Variants in CCDC25 observed in about 807,000 individuals in gnomAD.
CCDC25 encodes coiled-coil domain-containing protein 25.
Under a neutral mutation model 35.3 loss-of-function variants are expected in CCDC25, and 16 were observed. The ratio of observed to expected loss-of-function variants is 0.45; its 90% CI spans 0.31 to 0.69. The LOEUF is 0.69. Ranked by LOEUF, CCDC25 falls within the 30% of genes least tolerant of loss-of-function variation. CCDC25 has a pLI of 0.06. For missense variants in CCDC25, 179 were observed against 250.7 expected (o/e 0.71, Z 1.93); for synonymous variants, 79 against 80.3 (o/e 0.98, Z 0.09).
intron 1 of CCDC25, among the ~76,000 whole-genome samples, chr8:27,768,459 G>A (rs1370586895): frequency 2.0e-5 from 3 of 151,598 alleles, no homozygotes; most frequent in Non-Finnish European, 2.9e-5. Flanking sequence ...CAGCTACTAA[G>A]GAGGCTGAGG....
intron 1 of CCDC25, among the ~76,000 whole-genome samples, chr8:27,771,421 TGTATCAGTTCG>T (rs1215414436): frequency 6.6e-6 from 1 of 152,200 alleles, no homozygotes; most frequent in Non-Finnish European, 1.5e-5. Context: ...ATAAAGTTAA[TGTATCAGTTCG>T]GTGGAGTAAG....
At chr8:27,745,736 C>T (rs961433134) in intron 7 of CCDC25, among the ~76,000 whole-genome samples, 1 of 152,326 alleles carries the variant, frequency 6.6e-6, no homozygotes, top group East Asian at 1.9e-4. Context: ...GTTCCATTCC[C>T]GGCACTGCAG....
chr8:27,746,102 G>C (rs1803593393), intron 7 of CCDC25, among the ~76,000 whole-genome samples: 1 of 152,136 alleles, frequency 6.6e-6, no homozygotes, highest in Non-Finnish European at 1.5e-5. Flanking sequence ...CTTAATTTTA[G>C]TAGCATGCAG....
chr8:27,744,407 T>C (rs1233293811), intron 7 of CCDC25, among the ~76,000 whole-genome samples: 1 of 152,126 alleles, frequency 6.6e-6, no homozygotes, highest in African/African-American at 2.4e-5. Flanking sequence ...ACCTCACAGG[T>C]AACACGAAGA....
chr8:27,767,912 G>C (rs1168003313), intron 1 of CCDC25, among the ~76,000 whole-genome samples: 1 of 152,148 alleles, frequency 6.6e-6, no homozygotes, highest in Admixed American at 6.5e-5. Context: ...GTAGTAAAAT[G>C]TCAGAATTTG....
rs548310883 is a variant in CCDC25 at position 27,749,668 on chromosome 8, C to CA, written c.245-1071dup. The stretch of plus-strand genomic sequence containing the variant: ...TAAATACAGCACATGGCCCTGGATC[C>CA]AAAAAAAAAAGCTATAAAGAAACAG... On this transcript the variant is annotated intron_variant, in intron 5 of 8. Coordinates refer to ENST00000356537, the MANE Select transcript of CCDC25 (RefSeq NM_018246.3). Among the ~76,000 whole-genome samples, 490 of 142,008 alleles carry CA rather than the reference C, an allele frequency of 3.5e-3. 7 individuals are homozygous for CA. Among genetic ancestry groups the CA allele is most frequent in the African/African-American group, 0.012 (451 of 38,582 alleles). The allele number at this position is 142,008 out of a possible 152,430, so 93.2% of individuals were successfully genotyped here.
intron 2 of CCDC25, among the ~76,000 whole-genome samples, chr8:27,763,181 G>T (rs1025405319): frequency 4.6e-5 from 7 of 152,034 alleles, no homozygotes; most frequent in African/African-American, 9.7e-5. Flanking sequence ...TTGGCCCTTG[G>T]TTTGTTTCTA....
At position 27,747,114 on chromosome 8, in the gene CCDC25, G is replaced by A. The variant is rs577357877; in HGVS notation, c.551+963C>T. Among the ~76,000 whole-genome samples the A allele has an allele frequency of 7.2e-5, 11 of 152,298 alleles. No homozygotes were observed. The South Asian group carries it at 1.0e-3, about 14-fold the overall frequency. ...TAATTAGAACAACTAGGGGCTCTGC[G>A]GGTACAGCACTGTATGGCAGAACAT... On this transcript the variant is annotated intron_variant, in intron 7 of 8. Transcript: ENST00000356537.
At chr8:27,765,709 T>C (rs974806871) in intron 1 of CCDC25, among the ~76,000 whole-genome samples, 1 of 152,182 alleles carries the variant, frequency 6.6e-6, no homozygotes, top group Non-Finnish European at 1.5e-5. Flanking sequence ...GCATAATTGT[T>C]TTTAGCCAAT....
intron 7 of CCDC25, among the ~76,000 whole-genome samples, chr8:27,742,596 A>G (rs1803475344): frequency 6.6e-6 from 1 of 152,050 alleles, no homozygotes; most frequent in Non-Finnish European, 1.5e-5. Context: ...TGGGCACGGT[A>G]GCTCACACCT....
At chr8:27,748,427 G>C in intron 6 of CCDC25, 68 bp downstream of exon 6, 2 of 1,365,082 alleles carry the variant, frequency 1.5e-6, no homozygotes, top group Non-Finnish European at 2.1e-6. Flanking sequence ...AATGGTGTCA[G>C]ACAGAAAAGA....
chr8:27,742,872 CA>C (rs1249695455), intron 7 of CCDC25, among the ~76,000 whole-genome samples: 1 of 152,034 alleles, frequency 6.6e-6, no homozygotes, highest in Non-Finnish European at 1.5e-5. Flanking sequence ...GTCTCAAAAA[CA>C]AAACAAAACA....
At chr8:27,747,495 G>T (rs1803645371) in intron 7 of CCDC25, among the ~76,000 whole-genome samples, 1 of 152,144 alleles carries the variant, frequency 6.6e-6, no homozygotes. Flanking sequence ...CTACATTTGT[G>T]GCAATTTGTT....
At chr8:27,738,788 G>A (rs1185941633) in intron 8 of CCDC25, among the ~76,000 whole-genome samples, 1 of 152,106 alleles carries the variant, frequency 6.6e-6, no homozygotes. Flanking sequence ...CACAACAATG[G>A]CATCTGAGTT....
intron 7 of CCDC25, among the ~76,000 whole-genome samples, chr8:27,743,611 G>T (rs1044246439): frequency 6.6e-6 from 1 of 152,186 alleles, no homozygotes; most frequent in African/African-American, 2.4e-5. Flanking sequence ...ACCATATCAG[G>T]GGACAAGTGT....
intron 2 of CCDC25, among the ~76,000 whole-genome samples, chr8:27,762,860 A>T (rs1397718832): frequency 6.6e-6 from 1 of 152,172 alleles, no homozygotes; most frequent in Non-Finnish European, 1.5e-5. Context: ...AATTAACTTG[A>T]TTATAAAATT....
At position 27,748,507 on chromosome 8, in the gene CCDC25, G is replaced by A; in HGVS notation, c.336C>T (p.His112=). The stretch of plus-strand genomic sequence containing the variant: ...ACAAAACACTTACATCCTTCTGCCT[G>A]TGAAAGCCTATCTGCCCCACATCCA... ...ADMDVGQIGF[H]RQKDVKIVTV... is the part of the protein sequence containing the mutation. Residue 112 remains histidine (H), a synonymous_variant, in exon 6 of 9, where the codon CAC becomes CAT. Transcript: ENST00000356537. The A allele has an allele frequency of 6.2e-7, 1 of 1,611,988 alleles. No homozygotes were observed. Among genetic ancestry groups the A allele is most frequent in the Non-Finnish European group, 8.5e-7 (1 of 1,179,422 alleles).
chr8:27,753,178 A>C (rs1419053562), intron 4 of CCDC25: 1 of 152,242 alleles, frequency 6.6e-6, no homozygotes, highest in Non-Finnish European at 1.5e-5. Flanking sequence ...TGAATAAGTG[A>C]GGTGATGCCC....
At chr8:27,738,261 GAAACAAAACA>G (rs59689829) in intron 8 of CCDC25, among the ~76,000 whole-genome samples, 9 of 151,252 alleles carry the variant, frequency 6.0e-5, no homozygotes, top group Non-Finnish European at 1.3e-4. Context: ...ATAACTTATG[GAAACAAAACA>G]AAACAAAACA....
Sources: gnomAD v4.1 joint callset for allele counts (sites outside exome capture counted in the v4.1 genomes callset) on GRCh38, gnomAD v4.1.1 for gene constraint, MANE v1.5 for transcripts, NCBI Gene and HGNC (gene_info 2026-07-23, HGNC 2026-07-21) for gene names.